The following PCSK4 variants were observed in gnomAD, a reference collection of about 807,000 sequenced individuals.
PCSK4 encodes the protein proprotein convertase subtilisin/kexin type 4.
PCSK4 carries 64 observed loss-of-function variants against 80.3 expected under a neutral mutation model. The observed-to-expected ratio is 0.80, with a 90% confidence interval of 0.65 to 0.98. PCSK4 has a LOEUF of 0.98. Ranked by LOEUF, PCSK4 falls within the 50% of genes least tolerant of loss-of-function variation. The pLI, the probability that PCSK4 is intolerant of heterozygous loss-of-function variation, is 0.00. For missense variants in PCSK4, 1,213 were observed against 1,093.6 expected, an observed-to-expected ratio of 1.11 and a Z score of -1.54; for synonymous variants, 561 against 487.6, an observed-to-expected ratio of 1.15 and a Z score of -1.98.
At chr19:1,481,820 C>G in exon 15 of PCSK4, 1 of 1,533,142 alleles carries the variant, frequency 6.5e-7, no homozygotes, top group Non-Finnish European at 8.8e-7. Flanking sequence ...ACGGGAGAGC[C>G]AGGCGTATAG....
chr19:1,488,881 T>A (rs977614935), intron 2 of PCSK4, among the ~76,000 whole-genome samples: 2 of 152,092 alleles, frequency 1.3e-5, no homozygotes, highest in African/African-American at 2.4e-5. Flanking sequence ...ACGCCAGGCC[T>A]GGCTTCTCTC....
At position 1,487,750 on chromosome 19, in the gene PCSK4, G is replaced by A. The variant is rs747166793; in HGVS notation, c.593+35C>T. On this transcript the variant is annotated intron_variant, in intron 5 of 14. Coordinates refer to ENST00000300954, the Ensembl canonical transcript of PCSK4. The stretch of plus-strand genomic sequence containing the variant: ...GCCTCCATCCCCCTGCCGGGTACTG[G>A]GGCTTCCCCCGTGTGCTGTGGGAGC... 25 of 1,551,714 alleles carry A rather than the reference G, an allele frequency of 1.6e-5. No individual in the cohort carries two copies. In the African/African-American group the frequency reaches 3.1e-4, roughly 19 times the overall value.
chr19:1,482,062 G>A, exon 15 of PCSK4: 1 of 1,556,264 alleles, frequency 6.4e-7, no homozygotes. Context: ...AGGTGTAGCA[G>A]GAGGCATGGC....
intron 4 of PCSK4, 46 bp downstream of exon 4, chr19:1,487,918 C>T (rs1312965625): frequency 6.3e-7 from 1 of 1,585,612 alleles, no homozygotes; most frequent in South Asian, 1.1e-5. Flanking sequence ...TGGTGCCAGC[C>T]TCGGCACCTG....
rs78359732 is a variant in PCSK4 at position 1,482,081 on chromosome 19, C to A, written c.1946G>T (p.Cys649Phe). The A allele has an allele frequency of 9.5e-3, 14,692 of 1,552,464 alleles. 87 individuals are homozygous for A. Among genetic ancestry groups the A allele is most frequent in the Non-Finnish European group, 0.012 (13,677 of 1,152,630 alleles). Residue 649 changes from cysteine to phenylalanine, a missense_variant, in exon 15 of 15, where the codon TGC (cysteine) becomes TTC (phenylalanine). By Grantham distance (205) the Cys-to-Phe change is radical (BLOSUM62 -2). Coordinates refer to ENST00000300954, the Ensembl canonical transcript of PCSK4. The stretch of plus-strand genomic sequence containing the variant: ...GTAGCAGGAGGCATGGCAGCTGGAG[C>A]AGACCCTCAGCGCGGGCGCCGCCGT...
intron 12 of PCSK4, 22 bp from the exon 13 acceptor site, chr19:1,483,042 G>C: frequency 6.7e-7 from 1 of 1,500,484 alleles, no homozygotes; most frequent in Non-Finnish European, 8.9e-7. Context: ...GGGTGGGTGG[G>C]GGTGGGGGTG....
chr19:1,484,262 C>T (rs1184951895), intron 8 of PCSK4, 135 bp from the exon 9 acceptor site: 4 of 573,312 alleles, frequency 7.0e-6, no homozygotes, highest in East Asian at 3.2e-5. Context: ...CTGAGGCGGG[C>T]GTGTTGTCTG....
exon 12 of PCSK4, chr19:1,483,293 A>G (rs777274919): frequency 1.9e-6 from 3 of 1,597,604 alleles, no homozygotes; most frequent in Non-Finnish European, 2.6e-6. Context: ...CCGTATGGCC[A>G]CGAGTGTGGA....
At chr19:1,487,495 A>C (rs1599236591) in intron 6 of PCSK4, 108 bp downstream of exon 6, 1 of 1,084,784 alleles carries the variant, frequency 9.2e-7, no homozygotes, top group Non-Finnish European at 1.3e-6. Flanking sequence ...CCCTAGCACC[A>C]CCCAGCAGTG....
chr19:1,484,246 G>C, intron 8 of PCSK4, 119 bp from the exon 9 acceptor site: 1 of 603,392 alleles, frequency 1.7e-6, no homozygotes, highest in Admixed American at 2.4e-5. Context: ...CCAGCACTTT[G>C]GGAGGCTGAG....
At chr19:1,490,267 G>T in exon 1 of PCSK4, 5 of 1,605,934 alleles carry the variant, frequency 3.1e-6, no homozygotes, top group Non-Finnish European at 4.2e-6. Context: ...TCGGACCGGG[G>T]CCCACCCCAC....
At chr19:1,490,298 C>G (rs1363785874) in exon 1 of PCSK4, 5 of 1,563,108 alleles carry the variant, frequency 3.2e-6, no homozygotes, top group Non-Finnish European at 4.3e-6. Context: ...CGGACAAGGG[C>G]CAGGGCCAAG....
rs551309141 is a variant in PCSK4, at chr19:1,483,525, C to T, written c.1392-62G>A. On this transcript the variant is annotated intron_variant, in intron 11 of 14. Coordinates refer to ENST00000300954, the Ensembl canonical transcript of PCSK4. ...TGCTGGGGGGTGGGTGGGCGGCCAG[C>T]AGGCGAGGTCGGGGCTCAGAGGTCA... 3.7e-5 allele frequency: 53 copies of T among 1,424,284 alleles called. No homozygotes were observed. The African/African-American group carries it at 6.0e-4, about 16-fold the overall frequency. The allele number at this position is 1,424,284 out of a possible 1,614,324, so 88.2% of individuals were successfully genotyped here.
intron 8 of PCSK4, among the ~76,000 whole-genome samples, chr19:1,485,891 G>T (rs1342047048): frequency 6.6e-6 from 1 of 152,048 alleles, no homozygotes; most frequent in Non-Finnish European, 1.5e-5. Flanking sequence ...CAAATGAAAA[G>T]AAACCCTGGG....
exon 12 of PCSK4, chr19:1,483,328 C>G (rs200390360): frequency 1.2e-6 from 2 of 1,609,038 alleles, no homozygotes; most frequent in Non-Finnish European, 1.7e-6. Flanking sequence ...GGCTGGTGAG[C>G]GAGATCTCCA....
exon 9 of PCSK4, chr19:1,484,097 C>G: frequency 6.4e-7 from 1 of 1,566,852 alleles, no homozygotes; most frequent in South Asian, 1.2e-5. Flanking sequence ...GTGTGCTGGT[C>G]TGTGCACCCG....
Position 1,488,192 on chromosome 19 carries a change from TA to T in PCSK4, c.382del (p.Tyr128ThrfsTer2). The stretch of plus-strand genomic sequence containing the variant: ...CCACCCTGGCTGCCTGCTCACCATG[TA>T]CCACTGCTTGGAGAACCAGGGGTCC... On this transcript the variant is annotated frameshift_variant, in exon 3 of 15. Coordinates refer to ENST00000300954, the Ensembl canonical transcript of PCSK4. LOFTEE classifies it high-confidence loss of function. 2 of 1,613,578 alleles carry T rather than the reference TA, an allele frequency of 1.2e-6. No homozygotes were observed. The highest frequency in any genetic ancestry group is 8.5e-7 in the Non-Finnish European group (1 of 1,179,862).
rs1242824386 is a variant in PCSK4, at chr19:1,489,866, C to A, written c.221G>T (p.Arg74Leu). The A allele has an allele frequency of 6.2e-7, 1 of 1,610,186 alleles. No individual in the cohort carries two copies. ...GGACTGCTGGACCACGCCCCGGTGC[C>A]GCAGGTGAAAGTACTGCCCGTCAGG... is the stretch of plus-strand genomic sequence containing the variant. The change falls in exon 2 of 15, where the codon CGG becomes CTG. Residue 74 changes from arginine (R) to leucine (L), a missense_variant. Coordinates refer to ENST00000300954, the Ensembl canonical transcript of PCSK4.
intron 8 of PCSK4, among the ~76,000 whole-genome samples, chr19:1,484,453 A>T (rs1390865888): frequency 6.6e-6 from 1 of 151,496 alleles, no homozygotes; most frequent in Non-Finnish European, 1.5e-5. Flanking sequence ...CACCCACGCC[A>T]CTGCACTCCA....
Sources: gnomAD v4.1 joint callset for allele counts (sites outside exome capture counted in the v4.1 genomes callset) on GRCh38, gnomAD v4.1.1 for gene constraint, MANE v1.5 for transcripts, NCBI Gene and HGNC (gene_info 2026-07-23, HGNC 2026-07-21) for gene names.